The following IL27RA variants were observed in gnomAD, a reference collection of about 807,000 sequenced individuals.
IL27RA encodes interleukin-27 receptor subunit alpha.
A neutral mutation model predicts 80.8 loss-of-function variants in IL27RA; 61 were observed. The observed-to-expected ratio is 0.76, with a 90% confidence interval of 0.61 to 0.93. The LOEUF is 0.93. IL27RA is among the 40% of genes least tolerant of loss of function. The probability of loss-of-function intolerance (pLI) is 0.00; values close to 1 mark genes in which losing one functional copy is unlikely to be tolerated. For missense variants in IL27RA, 735 were observed against 808.1 expected, an observed-to-expected ratio of 0.91 and a Z score of 1.10; for synonymous variants, 316 against 332.5, an observed-to-expected ratio of 0.95 and a Z score of 0.54.
chr19:14,040,000 C>T, intron 4 of IL27RA, 90 bp downstream of exon 4: 1 of 1,306,512 alleles, frequency 7.7e-7, no homozygotes, highest in Non-Finnish European at 1.1e-6. Flanking sequence ...AGGACTCATT[C>T]TGTGCCTGCC....
At chr19:14,039,044 G>A (rs1350829032) in intron 2 of IL27RA, among the ~76,000 whole-genome samples, 4 of 151,960 alleles carry the variant, frequency 2.6e-5, no homozygotes, top group Non-Finnish European at 5.9e-5. Flanking sequence ...TAGCAATTTG[G>A]GAGGCCGAGG....
rs887452185 is a variant in IL27RA at position 14,052,086 on chromosome 19, C to T, written c.1717-10C>T. ...GGCTGGGGCAGGATTACAGGCTCAT[C>T]TCTTCCCAGCAAGTACCTGAGGCCC... On this transcript the variant is annotated splice_polypyrimidine_tract_variant and intron_variant, in intron 13 of 13. Transcript: ENST00000263379. The T allele has an allele frequency of 3.1e-6, 5 of 1,611,652 alleles. No individual in the cohort carries two copies. The highest frequency in any genetic ancestry group is 4.2e-6 in the Non-Finnish European group (5 of 1,179,142).
rs993493145 is a variant in IL27RA, at chr19:14,038,682, C to T, written c.219-826C>T. On this transcript the variant is annotated intron_variant, in intron 2 of 13. Transcript: ENST00000263379. ...GGCGGATCACCTGAGGTCGGGAGTT[C>T]GAGACCAGCCTGACCAACATGGAGA... Among the ~76,000 whole-genome samples, 16 of 150,804 alleles carry T rather than the reference C, an allele frequency of 1.1e-4. No individual in the cohort carries two copies. In the Admixed American group the frequency reaches 1.1e-3, roughly 10 times the overall value.
At chr19:14,049,355 CA>C in intron 10 of IL27RA, 41 bp downstream of exon 10, 1 of 1,588,402 alleles carries the variant, frequency 6.3e-7, no homozygotes, top group Non-Finnish European at 8.6e-7. Flanking sequence ...CCAGCCCCCA[CA>C]AGACCCACCC....
rs979406723 is a variant in IL27RA, at chr19:14,051,597, A to G, written c.1529-10A>G. ...AAAAATTAAGAATGATCTCTTCCCT[A>G]CCCTACCAGATAACACCCTGAGGTG... On this transcript the variant is annotated splice_polypyrimidine_tract_variant and intron_variant, in intron 11 of 13. Transcript: ENST00000263379. 4 of 1,504,492 alleles carry G rather than the reference A, an allele frequency of 2.7e-6. No homozygotes were observed. The highest frequency in any genetic ancestry group is 2.3e-5 in the East Asian group (1 of 44,022). 93.2% of individuals were successfully genotyped at this position (1,504,492 alleles called of 1,614,324 possible).
At chr19:14,041,209 T>TC (rs1375728578) in intron 4 of IL27RA, among the ~76,000 whole-genome samples, 1 of 148,092 alleles carries the variant, frequency 6.8e-6, no homozygotes, top group East Asian at 2.0e-4. Context: ...GGCCCCCTTT[T>TC]TTTTTTGAGA....
chr19:14,050,533 GAATC>G (rs1224374507), intron 10 of IL27RA, among the ~76,000 whole-genome samples: 1 of 144,816 alleles, frequency 6.9e-6, no homozygotes, highest in African/African-American at 2.6e-5. Context: ...AAAAAAAAGA[GAATC>G]AAACAAGGAA....
chr19:14,036,442 A>G (rs916503509), intron 2 of IL27RA, among the ~76,000 whole-genome samples: 4 of 151,076 alleles, frequency 2.6e-5, no homozygotes, highest in Admixed American at 2.6e-4. Flanking sequence ...TTCACGTAAC[A>G]TAATGTTCGC....
chr19:14,041,684 CTCGGGA>C (rs1041260694), intron 4 of IL27RA, among the ~76,000 whole-genome samples: 46 of 152,322 alleles, frequency 3.0e-4, no homozygotes, highest in Admixed American at 1.2e-3. Context: ...TCTCTGTCTG[CTCGGGA>C]CTGTGGCAAT....
At chr19:14,046,655 G>C (rs1275402502) in intron 8 of IL27RA, 37 bp downstream of exon 8, 1 of 1,536,904 alleles carries the variant, frequency 6.5e-7, no homozygotes, top group Admixed American at 1.9e-5. Context: ...CATCCCCGCT[G>C]TTAGAGCAGA....
Position 14,048,999 on chromosome 19 carries a change from TC to T in IL27RA, c.1164del (p.Tyr389IlefsTer5). On this transcript the variant is annotated frameshift_variant, in exon 9 of 14. Transcript: ENST00000263379. LOFTEE classifies it high-confidence loss of function. The stretch of plus-strand genomic sequence containing the variant: ...CACTCAGGGAATTTCACTGTCGGGG[TC>T]CCCTATCGAATCACTGTGACCGCAG... Reference protein sequence around the residue: ...ALLPGNFTVGVPYRITVTAVS... With the variant: ...ALLPGNFTVGXPYRITVTAVS... The T allele has an allele frequency of 1.2e-6, 2 of 1,613,936 alleles. No individual in the cohort carries two copies. The highest frequency in any genetic ancestry group is 1.7e-6 in the Non-Finnish European group (2 of 1,179,918).
At position 14,032,634 on chromosome 19, in the gene IL27RA, C is replaced by CAAA. The variant is rs766574764; in HGVS notation, c.218+151_218+153dup. The CAAA allele has an allele frequency of 4.8e-3, 450 of 93,628 alleles. 4 individuals carry two copies. Among genetic ancestry groups the CAAA allele is most frequent in the African/African-American group, 0.014 (235 of 16,890 alleles). 5.8% of individuals were successfully genotyped at this position (93,628 alleles called of 1,614,324 possible). A position where few individuals can be genotyped will look rare whatever the true frequency, so the allele number is the denominator to read the frequency against. Reference sequence around the variant, plus strand: ...TGAAACCCTGTCTATACTAAAAATACAAAAAAAAAAAAAAAAAAAAAATTA... The same window carrying CAAA: ...TGAAACCCTGTCTATACTAAAAATACAAAAAAAAAAAAAAAAAAAAAAAAATTA... On this transcript the variant is annotated intron_variant, in intron 2 of 13. Coordinates refer to ENST00000263379, the MANE Select transcript of IL27RA (RefSeq NM_004843.4).
chr19:14,032,634 C>CAAAA (rs766574764), intron 2 of IL27RA, 131 bp downstream of exon 2: 74 of 93,680 alleles, frequency 7.9e-4, no homozygotes, highest in South Asian at 1.3e-3. Context: ...ACTAAAAATA[C>CAAAA]AAAAAAAAAA....
At chr19:14,049,383 C>T (rs1016520039) in intron 10 of IL27RA, 69 bp downstream of exon 10, 4 of 1,525,292 alleles carry the variant, frequency 2.6e-6, no homozygotes, top group Non-Finnish European at 3.6e-6. Flanking sequence ...CAGCCCCACC[C>T]CTTGTCCCCA....
At chr19:14,038,473 GA>G (rs1270589053) in intron 2 of IL27RA, among the ~76,000 whole-genome samples, 1 of 151,592 alleles carries the variant, frequency 6.6e-6, no homozygotes, top group African/African-American at 2.4e-5. Flanking sequence ...AGCTACTCTG[GA>G]GGCTGAGGCA....
chr19:14,051,963 C>G lies in IL27RA; in HGVS notation c.1706C>G (p.Pro569Arg), dbSNP rs1312691130. Residue 569 changes from proline to arginine, a missense_variant, in exon 13 of 14, where the codon CCC becomes CGC. By Grantham distance (103) the Pro-to-Arg change is moderately radical. Coordinates refer to ENST00000263379, the MANE Select transcript of IL27RA (RefSeq NM_004843.4). ...PDPANSSSGQPHMEQVPEAQP... is the reference protein window; with the variant it reads ...PDPANSSSGQRHMEQVPEAQP... ...CCTGCCAACAGCAGTTCAGGCCAGC[C>G]CCACATGGAGGTGAGTCAAAGGGCC... 8 of 1,585,528 alleles carry G rather than the reference C, an allele frequency of 5.0e-6. No homozygotes were observed. The highest frequency in any genetic ancestry group is 6.9e-6 in the Non-Finnish European group (8 of 1,164,856).
intron 10 of IL27RA, among the ~76,000 whole-genome samples, chr19:14,049,568 C>T (rs907482476): frequency 1.3e-5 from 2 of 151,322 alleles, no homozygotes; most frequent in African/African-American, 2.4e-5. Flanking sequence ...GTTAAAATTC[C>T]GTGGTATGGT....
chr19:14,041,918 T>TCAC, intron 4 of IL27RA, among the ~76,000 whole-genome samples: 1 of 151,666 alleles, frequency 6.6e-6, no homozygotes, highest in Non-Finnish European at 1.5e-5. Context: ...ATACAAAAAT[T>TCAC]GGCTGGGCTT....
At chr19:14,047,509 G>A (rs893225620) in intron 8 of IL27RA, among the ~76,000 whole-genome samples, 2 of 147,898 alleles carry the variant, frequency 1.4e-5, no homozygotes, top group East Asian at 2.0e-4. Flanking sequence ...GGCCCCCACC[G>A]CCATGCCCAG....
Sources: gnomAD v4.1 joint callset for allele counts (sites outside exome capture counted in the v4.1 genomes callset) on GRCh38, gnomAD v4.1.1 for gene constraint, MANE v1.5 for transcripts, NCBI Gene and HGNC (gene_info 2026-07-23, HGNC 2026-07-21) for gene names.